The following ZNF362 variants were observed in gnomAD, a reference collection of about 807,000 sequenced individuals.
ZNF362 encodes zinc finger protein 362.
In ZNF362, 11 loss-of-function variants were observed where a neutral mutation model predicts 42.9. The observed-to-expected ratio is 0.26, with a 90% CI of 0.16 to 0.42. ZNF362 has a LOEUF of 0.42. Ranked by LOEUF, ZNF362 falls within the 20% of genes least tolerant of loss-of-function variation. ZNF362 has a pLI of 1.00. For synonymous variants in ZNF362, 255 were observed against 257.3 expected, an observed-to-expected ratio of 0.99 and a Z score of 0.09; for missense variants, 362 against 576.2, an observed-to-expected ratio of 0.63 and a Z score of 3.81.
At chr1:33,129,267 TG>T in the ZNF362 span, among the ~76,000 whole-genome samples, 1 of 152,194 alleles carries the variant, frequency 6.6e-6, no homozygotes, top group African/African-American at 2.4e-5. This position sits in a 1 kb window ranked among gnomAD's most constrained non-coding sequence, Gnocchi z 4.1. Flanking sequence ...ACTTATGGGT[TG>T]GGGGTTCATC....
chr1:33,194,532 CAAAAAAAA>C, the ZNF362 span, among the ~76,000 whole-genome samples: 31 of 103,800 alleles, frequency 3.0e-4, no homozygotes, highest in African/African-American at 1.1e-3. Context: ...GACCCTGTCT[CAAAAAAAA>C]AAAAAAAAAA....
chr1:33,264,521 T>A (rs74343674), intron 1 of ZNF362, among the ~76,000 whole-genome samples: 2,796 of 152,280 alleles, frequency 0.018, 80 homozygotes, highest in African/African-American at 0.061. Context: ...TCATCCCCAG[T>A]TTACAGATGA....
At chr1:33,236,879 T>C in the ZNF362 span, among the ~76,000 whole-genome samples, 2 of 152,014 alleles carry the variant, frequency 1.3e-5, no homozygotes, top group African/African-American at 2.4e-5. Flanking sequence ...GAGACCAGCC[T>C]GGTCAACATG....
chr1:33,147,482 T>C, the ZNF362 span: 1 of 1,613,046 alleles, frequency 6.2e-7, no homozygotes, highest in South Asian at 1.1e-5. This position sits in a 1 kb window ranked among gnomAD's most constrained non-coding sequence, Gnocchi z 8.1. Flanking sequence ...ATGCTGCCCT[T>C]GCGGCTTGCG....
chr1:33,250,173 A>G, the ZNF362 span, among the ~76,000 whole-genome samples: 1 of 152,220 alleles, frequency 6.6e-6, no homozygotes, highest in African/African-American at 2.4e-5. Flanking sequence ...GACCTTAGCT[A>G]GAGGCCTGGC....
At chr1:33,252,912 G>GCTTGCTGCCCAA, upstream of ZNF362, among the ~76,000 whole-genome samples, 1 of 152,238 alleles carries the variant, frequency 6.6e-6, no homozygotes, top group South Asian at 2.1e-4. Flanking sequence ...AATTGGAGAG[G>GCTTGCTGCCCAA]ATGACAGTGG....
At chr1:33,184,953 G>A in the ZNF362 span, among the ~76,000 whole-genome samples, 2 of 151,926 alleles carry the variant, frequency 1.3e-5, no homozygotes, top group African/African-American at 4.8e-5. Flanking sequence ...GCTAATTTTT[G>A]TATTTTTAGT....
At chr1:33,221,002 G>A in the ZNF362 span, among the ~76,000 whole-genome samples, 37 of 152,304 alleles carry the variant, frequency 2.4e-4, no homozygotes, top group African/African-American at 8.9e-4. Flanking sequence ...AGCAGAAAGA[G>A]GGTGGCAGGG....
chr1:33,157,092 C>G, the ZNF362 span, among the ~76,000 whole-genome samples: 3 of 151,942 alleles, frequency 2.0e-5, no homozygotes, highest in Admixed American at 2.0e-4. Context: ...TAAACCAGTT[C>G]ACGTCACTTC....
At chr1:33,295,364 A>C in intron 8 of ZNF362, 59 bp downstream of exon 8, 1 of 1,577,128 alleles carries the variant, frequency 6.3e-7, no homozygotes, top group South Asian at 1.1e-5. Flanking sequence ...TCCAGGCCTC[A>C]GTTGCTTCCC....
At chr1:33,190,241 C>T in the ZNF362 span, among the ~76,000 whole-genome samples, 19 of 152,270 alleles carry the variant, frequency 1.2e-4, no homozygotes, top group East Asian at 3.9e-4. Flanking sequence ...CCACTGATCT[C>T]GCCCTTAGGA....
the ZNF362 span, among the ~76,000 whole-genome samples, chr1:33,206,436 CA>C: frequency 6.6e-6 from 1 of 151,796 alleles, no homozygotes; most frequent in Non-Finnish European, 1.5e-5. Flanking sequence ...ATTTGTAATT[CA>C]AAAGAATCTA....
the ZNF362 span, chr1:33,145,650 C>T: frequency 3.2e-6 from 1 of 309,666 alleles, no homozygotes; most frequent in African/African-American, 2.2e-5. Context: ...AGAATCTAGG[C>T]CCCAGGACTA....
chr1:33,285,707 T>G (rs1646027525), intron 6 of ZNF362, among the ~76,000 whole-genome samples: 1 of 152,208 alleles, frequency 6.6e-6, no homozygotes, highest in African/African-American at 2.4e-5. Flanking sequence ...ATTTGCCAAC[T>G]TTCTTACGCT....
the ZNF362 span, among the ~76,000 whole-genome samples, chr1:33,176,166 C>T: frequency 6.6e-6 from 1 of 152,246 alleles, no homozygotes; most frequent in African/African-American, 2.4e-5. Context: ...AGCTGCCTTC[C>T]TGTCCATGCT....
At chr1:33,290,859 C>T (rs140688898) in intron 6 of ZNF362, among the ~76,000 whole-genome samples, 1,542 of 152,290 alleles carry the variant, frequency 0.01, 14 homozygotes, top group Non-Finnish European at 0.017. Flanking sequence ...GCATAGATGT[C>T]TTCTTTTGAG....
rs1459056879 is a variant in ZNF362, at chr1:33,300,705, T to G, written c.*1659T>G. The G allele has an allele frequency of 6.6e-6, 1 of 152,130 alleles. No homozygotes were observed. The highest frequency in any genetic ancestry group is 1.5e-5 in the Non-Finnish European group (1 of 68,030). The allele number at this position is 152,130 out of a possible 1,614,324, so 9.4% of individuals were successfully genotyped here. A position where few individuals can be genotyped will look rare whatever the true frequency, so the allele number is the denominator to read the frequency against. On this transcript the variant is annotated 3_prime_UTR_variant, in exon 9 of 9. Coordinates refer to ENST00000539719, the MANE Select transcript of ZNF362 (RefSeq NM_152493.3). ...TATTTCTCTGTTGTGAAGAATAAAC[T>G]GTACCTGCACCCGGGTGGCGGTGGT...
rs958227575 is a variant in ZNF362 at position 33,276,125 on chromosome 1, C to A, written c.64C>A (p.Pro22Thr). The change falls in exon 3 of 9, where the codon CCC becomes ACC. Residue 22 changes from proline to threonine, a missense_variant. Physicochemically the swap from Pro to Thr is conservative, Grantham distance 38 (BLOSUM62 -1). This residue lies in a region of ZNF362 where 266 missense variants were observed against 365.4 expected (regional missense o/e 0.73). Transcript: ENST00000539719. ...SRMAEPRFNN[P>T]YFWPPPPTMP... ...GATGGCCGAGCCTCGATTTAACAACCCCTACTTCTGGCCCCCTCCTCCCAC... is the reference window on the plus strand; with the variant it reads ...GATGGCCGAGCCTCGATTTAACAACACCTACTTCTGGCCCCCTCCTCCCAC... 2.5e-6 allele frequency: 4 copies of A among 1,614,008 alleles called. No homozygotes were observed. The highest frequency in any genetic ancestry group is 3.4e-6 in the Non-Finnish European group (4 of 1,180,004).
the ZNF362 span, among the ~76,000 whole-genome samples, chr1:33,238,956 TGTTTAATCC>T: frequency 2.0e-5 from 3 of 152,154 alleles, no homozygotes; most frequent in Admixed American, 2.0e-4. Context: ...GAATTTCTGT[TGTTTAATCC>T]ATCCAGCTTA....
Sources: allele counts gnomAD v4.1 joint callset (sites outside exome capture counted in the v4.1 genomes callset), GRCh38; gene constraint gnomAD v4.1.1; regional missense constraint gnomAD v4.1.1; non-coding constraint Gnocchi (gnomAD v3.1); transcripts MANE v1.5; gene names NCBI Gene and HGNC (gene_info 2026-07-23, HGNC 2026-07-21).